Variants in NSD1 observed in about 807,000 individuals in gnomAD.
The protein encoded by NSD1 is nuclear receptor binding SET domain protein 1.
NSD1 carries 26 observed loss-of-function variants against 242.7 expected under a neutral mutation model. The observed-to-expected ratio is 0.11, with a 90% CI of 0.08 to 0.15. The LOEUF (loss-of-function observed/expected upper bound fraction) is 0.15, where lower values mean the gene tolerates loss of function less well. Among genes scored for constraint, NSD1 ranks in the 10% least tolerant of loss-of-function variants. The probability of loss-of-function intolerance (pLI) is 1.00; values close to 1 mark genes in which losing one functional copy is unlikely to be tolerated. For synonymous variants in NSD1, 1,106 were observed against 1,178.1 expected (o/e 0.94, Z 1.25); for missense variants, 2,495 against 3,272.8 (o/e 0.76, Z 5.80).
At chr5:177,188,746 C>T (rs1235824186) in intron 2 of NSD1, among the ~76,000 whole-genome samples, 1 of 151,842 alleles carries the variant, frequency 6.6e-6, no homozygotes, top group Non-Finnish European at 1.5e-5. Flanking sequence ...CGCCCAGCCT[C>T]GCCTCCTTAT....
At chr5:177,154,103 A>T (rs1411538661) in intron 2 of NSD1, among the ~76,000 whole-genome samples, 1 of 152,050 alleles carries the variant, frequency 6.6e-6, no homozygotes, top group Admixed American at 6.6e-5. Flanking sequence ...ACTCATATGG[A>T]TGCTAGCTCT....
At chr5:177,212,898 G>A (rs1341499847) in intron 5 of NSD1, among the ~76,000 whole-genome samples, 1 of 152,080 alleles carries the variant, frequency 6.6e-6, no homozygotes, top group African/African-American at 2.4e-5. Context: ...CAAAAGTGCT[G>A]GGATACAGGC....
chr5:177,297,279 T>C lies in NSD1; in HGVS notation c.*1820T>C. The C allele has an allele frequency of 4.3e-6, 1 of 231,310 alleles. No individual in the cohort carries two copies. The highest frequency in any genetic ancestry group is 8.5e-6 in the Non-Finnish European group (1 of 116,998). The allele number at this position is 231,310 out of a possible 1,614,324, so 14.3% of individuals were successfully genotyped here. ...TTCTCCCCTTTCATCCTCTCTCTCTTCCCACATCATCAAAGAGGAAAAGCT... is the reference window on the plus strand; with the variant it reads ...TTCTCCCCTTTCATCCTCTCTCTCTCCCCACATCATCAAAGAGGAAAAGCT... On this transcript the variant is annotated 3_prime_UTR_variant, in exon 23 of 23. Transcript: ENST00000439151.
intron 14 of NSD1, among the ~76,000 whole-genome samples, chr5:177,262,933 C>T (rs1313722943): frequency 6.6e-6 from 1 of 152,198 alleles, no homozygotes; most frequent in Non-Finnish European, 1.5e-5. Context: ...TGTAAAAATG[C>T]AGTTTCACTG....
At chr5:177,173,950 AG>A (rs1228688334) in intron 2 of NSD1, among the ~76,000 whole-genome samples, 1 of 152,264 alleles carries the variant, frequency 6.6e-6, no homozygotes, top group Non-Finnish European at 1.5e-5. Flanking sequence ...GTAATTTGGT[AG>A]TTAAATGAAC....
chr5:177,232,847 G>A (rs912801333), intron 5 of NSD1, among the ~76,000 whole-genome samples: 4 of 152,194 alleles, frequency 2.6e-5, no homozygotes, highest in African/African-American at 7.2e-5. Context: ...AAGTAAGTCA[G>A]GCTCTTGGAG....
chr5:177,200,735 TTCTC>T (rs538510483), intron 3 of NSD1, among the ~76,000 whole-genome samples: 61 of 152,246 alleles, frequency 4.0e-4, no homozygotes, highest in African/African-American at 1.2e-3. Context: ...CTGAATTTCT[TTCTC>T]TCTCTCTCAA....
chr5:177,254,360 A>G (rs1581450050), intron 12 of NSD1, among the ~76,000 whole-genome samples: 1 of 152,270 alleles, frequency 6.6e-6, no homozygotes, highest in East Asian at 1.9e-4. Context: ...CATAGCTAAG[A>G]AGTTTTGCTT....
intron 2 of NSD1, among the ~76,000 whole-genome samples, chr5:177,182,146 C>A (rs550124635): frequency 8.0e-5 from 11 of 137,852 alleles, no homozygotes; most frequent in African/African-American, 3.3e-4. Flanking sequence ...AGTGAGACTC[C>A]GTCTCAAAAA....
chr5:177,294,293 T>C lies in NSD1; in HGVS notation c.6925T>C (p.Leu2309=). ...TGGGTCAGGGACCAAATCCCAATCC[T>C]TGGTTTCCAGCCAGAGGCCACTGGA... is the stretch of plus-strand genomic sequence containing the variant. ...LAGSGTKSQS[L]VSSQRPLDRP... Residue 2309 remains leucine, a synonymous_variant, in exon 23 of 23, where the codon TTG becomes CTG. Transcript: ENST00000439151. The C allele has an allele frequency of 6.2e-7, 1 of 1,613,504 alleles. No homozygotes were observed. The highest frequency in any genetic ancestry group is 8.5e-7 in the Non-Finnish European group (1 of 1,179,526).
chr5:177,240,271 C>T (rs1457298781), intron 8 of NSD1, among the ~76,000 whole-genome samples: 2 of 152,092 alleles, frequency 1.3e-5, no homozygotes, highest in Non-Finnish European at 2.9e-5. Context: ...ATTCTGTCAC[C>T]CAGGCTGGAG....
intron 20 of NSD1, chr5:177,288,614 T>G (rs1759528992): frequency 1.9e-6 from 1 of 526,158 alleles, no homozygotes. Flanking sequence ...TAAATATTAC[T>G]TGTTAAGCCA....
At chr5:177,177,655 C>T (rs2149805037) in intron 2 of NSD1, among the ~76,000 whole-genome samples, 1 of 152,034 alleles carries the variant, frequency 6.6e-6, no homozygotes, top group Middle Eastern at 3.4e-3. Context: ...CCCTGTCTTT[C>T]AAAGAAAAAA....
rs2127284746 is a variant in NSD1 at position 177,295,236 on chromosome 5, G to A, written c.7868G>A (p.Ser2623Asn). 1.9e-6 allele frequency: 3 copies of A among 1,614,236 alleles called. No homozygotes were observed. Among genetic ancestry groups the A allele is most frequent in the Non-Finnish European group, 2.5e-6 (3 of 1,180,042 alleles). Reference protein sequence around the residue: ...EEKKLVTTEQSPWALGKASSR... With the variant: ...EEKKLVTTEQNPWALGKASSR... ...AAGAAGTTGGTAACCACAGAGCAAA[G>A]TCCCTGGGCCCTGGGAAAAGCCTCA... is the stretch of plus-strand genomic sequence containing the variant. Residue 2623 changes from serine to asparagine, a missense_variant, in exon 23 of 23, where the codon AGT becomes AAT. By Grantham distance (46) the Ser-to-Asn change is conservative (BLOSUM62 1). Around this residue, in one of 19 missense-constraint regions of NSD1, gnomAD observed 475 missense variants for 563.7 expected, o/e 0.84. Coordinates refer to ENST00000439151, the MANE Select transcript of NSD1 (RefSeq NM_022455.5). The surrounding 1 kb of genome is among the most constrained non-coding windows in gnomAD (Gnocchi z 4.3).
chr5:177,181,543 A>C (rs1023455872), intron 2 of NSD1, among the ~76,000 whole-genome samples: 1 of 147,302 alleles, frequency 6.8e-6, no homozygotes, highest in Non-Finnish European at 1.5e-5. Flanking sequence ...CTCCTGCCTC[A>C]GCCTCCTGAA....
rs766619709 is a variant in NSD1, at chr5:177,294,144, A to G, written c.6776A>G (p.Asn2259Ser). 2 of 1,614,072 alleles carry G rather than the reference A, an allele frequency of 1.2e-6. No individual in the cohort carries two copies. The highest frequency in any genetic ancestry group is 1.1e-5 in the South Asian group (1 of 91,078). The part of the protein sequence containing the change: ...KMSDKPPADT[N>S]QMLSLSKKAL... ...TCAGATAAACCTCCTGCTGACACCA[A>G]CCAGATGCTGTCGCTCTCCAAAAAA... Residue 2259 changes from asparagine to serine, a missense_variant, in exon 23 of 23, where the codon AAC (asparagine) becomes AGC (serine). By Grantham distance (46) the Asn-to-Ser change is conservative. Coordinates refer to ENST00000439151, the MANE Select transcript of NSD1 (RefSeq NM_022455.5).
chr5:177,269,519 T>A lies in NSD1; in HGVS notation c.5304-83T>A. On this transcript the variant is annotated intron_variant, in intron 15 of 22. Coordinates refer to ENST00000439151, the MANE Select transcript of NSD1 (RefSeq NM_022455.5). The surrounding 1 kb of genome is among the most constrained non-coding windows in gnomAD (Gnocchi z 5.1). ...AATGTGGACAGACAGACATTGCTAA[T>A]CCTTACTTTTATATGAGTAGGTTAT... 8.3e-7 allele frequency: 1 copy of A among 1,207,616 alleles called. No homozygotes were observed. Among genetic ancestry groups the A allele is most frequent in the Non-Finnish European group, 1.2e-6 (1 of 823,602 alleles). The allele number at this position is 1,207,616 out of a possible 1,614,324, so 74.8% of individuals were successfully genotyped here.
intron 2 of NSD1, among the ~76,000 whole-genome samples, chr5:177,185,256 T>A (rs1761008304): frequency 6.6e-6 from 1 of 152,112 alleles, no homozygotes; most frequent in African/African-American, 2.4e-5. Context: ...TTGATTGAGC[T>A]CAGGAGTTTG....
At chr5:177,194,441 CTTTT>C (rs749501540) in intron 3 of NSD1, among the ~76,000 whole-genome samples, 2 of 118,574 alleles carry the variant, frequency 1.7e-5, no homozygotes, top group Admixed American at 8.8e-5. Context: ...CCACACATGG[CTTTT>C]TTTTTTTTTT....
Sources: allele counts gnomAD v4.1 joint callset (sites outside exome capture counted in the v4.1 genomes callset), GRCh38; gene constraint gnomAD v4.1.1; regional missense constraint gnomAD v4.1.1; non-coding constraint Gnocchi (gnomAD v3.1); transcripts MANE v1.5; gene names NCBI Gene and HGNC (gene_info 2026-07-23, HGNC 2026-07-21).